CACNA2D3: variants seen among roughly 807,000 people sequenced by gnomAD.
The protein encoded by CACNA2D3 is voltage-dependent calcium channel subunit alpha-2/delta-3.
CACNA2D3 carries 60 observed loss-of-function variants against 160.6 expected under a neutral mutation model. The observed-to-expected ratio is 0.37, with a 90% confidence interval of 0.30 to 0.46. The LOEUF is 0.46. Ranked by LOEUF, CACNA2D3 falls within the 20% of genes least tolerant of loss-of-function variation. CACNA2D3 has a pLI of 1.00. For synonymous variants in CACNA2D3, 558 were observed against 492.9 expected, an observed-to-expected ratio of 1.13 and a Z score of -1.75; for missense variants, 1,205 against 1,365.0, an observed-to-expected ratio of 0.88 and a Z score of 1.85.
intron 4 of CACNA2D3, among the ~76,000 whole-genome samples, chr3:54,392,100 C>T (rs1412815289): frequency 6.6e-6 from 1 of 152,150 alleles, no homozygotes; most frequent in Non-Finnish European, 1.5e-5. Context: ...TCAGTTATTA[C>T]ATGTAATTAT....
At chr3:54,709,964 G>A (rs569533535) in intron 11 of CACNA2D3, among the ~76,000 whole-genome samples, 6 of 152,236 alleles carry the variant, frequency 3.9e-5, no homozygotes, top group East Asian at 1.9e-4. Flanking sequence ...ACCTGGTAGA[G>A]GTATTATTTT....
At chr3:54,328,318 G>T (rs764264753) in intron 3 of CACNA2D3, among the ~76,000 whole-genome samples, 1 of 152,118 alleles carries the variant, frequency 6.6e-6, no homozygotes, top group Non-Finnish European at 1.5e-5. Context: ...TTTCACTCTT[G>T]TTGCCCAGGC....
intron 4 of CACNA2D3, among the ~76,000 whole-genome samples, chr3:54,406,192 G>T (rs1699572954): frequency 6.6e-6 from 1 of 152,048 alleles, no homozygotes; most frequent in East Asian, 1.9e-4. Flanking sequence ...TTGCTCTTCT[G>T]GGTATATACT....
Position 54,689,010 on chromosome 3 carries a change from A to AAAAAAAAAAAAAAAAAAAAGAG in CACNA2D3, c.1167+46770_1167+46771insAAAAAAAAAAAAAAAAAAGAGA, listed in dbSNP as rs1553785965. 2.3e-5 allele frequency among the ~76,000 whole-genome samples: 2 copies of AAAAAAAAAAAAAAAAAAAAGAG among 85,496 alleles called. 1 individual carries two copies. Among genetic ancestry groups the AAAAAAAAAAAAAAAAAAAAGAG allele is most frequent in the African/African-American group, 8.7e-5 (2 of 22,996 alleles). The allele number at this position is 85,496 out of a possible 152,430, so 56.1% of individuals were successfully genotyped here. On this transcript the variant is annotated intron_variant, in intron 11 of 37. Coordinates refer to ENST00000474759, the MANE Select transcript of CACNA2D3 (RefSeq NM_018398.3). Reference sequence around the variant, plus strand: ...AAAAAAAAAAAAAAAAAAAAAAAAAAAGAATGAGGTTGTATACATAAAGCA... The same window carrying AAAAAAAAAAAAAAAAAAAAGAG: ...AAAAAAAAAAAAAAAAAAAAAAAAAAAAAAAAAAAAAAAAAAAAAGAGAGAATGAGGTTGTATACATAAAGCA...
At chr3:54,992,800 A>T (rs1435315366) in intron 31 of CACNA2D3, among the ~76,000 whole-genome samples, 1 of 151,952 alleles carries the variant, frequency 6.6e-6, no homozygotes, top group Admixed American at 6.6e-5. Context: ...AAAAAGAAAA[A>T]AGCAGTACCT....
intron 9 of CACNA2D3, among the ~76,000 whole-genome samples, chr3:54,589,560 A>G (rs1392094141): frequency 1.3e-5 from 2 of 152,094 alleles, no homozygotes; most frequent in Admixed American, 6.5e-5. Flanking sequence ...TAAAATGAAA[A>G]AAAAAGAACC....
chr3:54,393,035 C>G (rs1204880496), intron 4 of CACNA2D3, among the ~76,000 whole-genome samples: 1 of 152,192 alleles, frequency 6.6e-6, no homozygotes, highest in Non-Finnish European at 1.5e-5. Flanking sequence ...CTAAACAGGG[C>G]TGAAGTGCAT....
intron 4 of CACNA2D3, among the ~76,000 whole-genome samples, chr3:54,454,231 T>C (rs1258121539): frequency 6.6e-6 from 1 of 152,200 alleles, no homozygotes; most frequent in Admixed American, 6.5e-5. Context: ...TAAAGTATAA[T>C]TTGCATCAAT....
At chr3:54,639,823 G>A (rs1699470425) in intron 10 of CACNA2D3, 1 of 153,210 alleles carries the variant, frequency 6.5e-6, no homozygotes, top group South Asian at 2.0e-4. Flanking sequence ...ATTTCACCTG[G>A]GTGCAGGCGG....
At position 54,968,487 on chromosome 3, in the gene CACNA2D3, G is replaced by A. The variant is rs768959044; in HGVS notation, c.2487G>A (p.Arg829=). The change falls in exon 28 of 38, where the codon AGG becomes AGA. Residue 829 remains arginine (R), a synonymous_variant. Transcript: ENST00000474759. The part of the protein sequence containing the change: ...GIQMKLEFFQ[R]KFWTASRQCA... ...AGATGAAACTTGAATTTTTCCAAAG[G>A]AAGTTCTGGACTGCCAGCAGACAGG... The A allele has an allele frequency of 6.2e-7, 1 of 1,610,524 alleles. No individual in the cohort carries two copies.
At chr3:54,653,991 G>A (rs2106869225) in intron 11 of CACNA2D3, among the ~76,000 whole-genome samples, 1 of 152,242 alleles carries the variant, frequency 6.6e-6, no homozygotes, top group Admixed American at 6.5e-5. Flanking sequence ...ACTGTGTAAT[G>A]CTTAGCCCCA....
At chr3:54,565,280 A>C (rs17054135) in intron 6 of CACNA2D3, among the ~76,000 whole-genome samples, 21,920 of 152,194 alleles carry the variant, frequency 0.14, 1,947 homozygotes, top group South Asian at 0.26. Flanking sequence ...TCATCATGGT[A>C]CAGTGCGTTT....
intron 35 of CACNA2D3, among the ~76,000 whole-genome samples, chr3:55,066,806 C>T (rs1157284711): frequency 6.6e-6 from 1 of 152,194 alleles, no homozygotes; most frequent in Non-Finnish European, 1.5e-5. Flanking sequence ...TGCTTAGAAA[C>T]AACCGCTGTG....
At chr3:55,019,460 A>G (rs1034379243) in intron 35 of CACNA2D3, among the ~76,000 whole-genome samples, 1 of 152,188 alleles carries the variant, frequency 6.6e-6, no homozygotes, top group Admixed American at 6.5e-5. Context: ...TGCCTTTTCT[A>G]TGCCTTTTAA....
At position 54,898,127 on chromosome 3, in the gene CACNA2D3, TTTTCTTTTTCTTTTTTC is replaced by T. The variant is rs1469584216; in HGVS notation, c.2368+1265_2368+1281del. ...CTTTCTTTCTTTTTTCTTTCTTTCT[TTTTCTTTTTCTTTTTTC>T]TTTCTTTCTTTCTTTATCTTTCTTT... On this transcript the variant is annotated intron_variant, in intron 26 of 37. Coordinates refer to ENST00000474759, the MANE Select transcript of CACNA2D3 (RefSeq NM_018398.3). Among the ~76,000 whole-genome samples the T allele has an allele frequency of 1.1e-4, 16 of 141,720 alleles. 1 individual carries two copies. The highest frequency in any genetic ancestry group is 3.5e-3 in the Middle Eastern group (1 of 284). 93.0% of individuals were successfully genotyped at this position (141,720 alleles called of 152,430 possible). A position where few individuals can be genotyped will look rare whatever the true frequency, so the allele number is the denominator to read the frequency against.
intron 11 of CACNA2D3, among the ~76,000 whole-genome samples, chr3:54,712,050 G>GAC (rs1700962786): frequency 1.3e-5 from 2 of 152,188 alleles, no homozygotes. Flanking sequence ...GAGGGCTCTA[G>GAC]ACAGCCTGGT....
At chr3:54,682,699 T>G (rs950677817) in intron 11 of CACNA2D3, among the ~76,000 whole-genome samples, 6 of 152,206 alleles carry the variant, frequency 3.9e-5, no homozygotes, top group African/African-American at 1.4e-4. Context: ...GAATGGCCTT[T>G]AAATATACTC....
chr3:54,628,887 T>A (rs1287622277), intron 10 of CACNA2D3, among the ~76,000 whole-genome samples: 1 of 151,972 alleles, frequency 6.6e-6, no homozygotes. Context: ...TGGAGGAGGC[T>A]ACCCAAGAAG....
chr3:54,477,787 C>A (rs891536166), intron 4 of CACNA2D3, among the ~76,000 whole-genome samples: 1 of 152,030 alleles, frequency 6.6e-6, no homozygotes, highest in Non-Finnish European at 1.5e-5. Context: ...CACATTTGAC[C>A]CTCTCTGAGG....
Sources: allele counts gnomAD v4.1 joint callset (sites outside exome capture counted in the v4.1 genomes callset), GRCh38; gene constraint gnomAD v4.1.1; transcripts MANE v1.5; gene names NCBI Gene and HGNC (gene_info 2026-07-23, HGNC 2026-07-21).